ZBTB4: variants seen among roughly 807,000 people sequenced by gnomAD.
ZBTB4 encodes zinc finger and BTB domain-containing protein 4.
Under a neutral mutation model 59.8 loss-of-function variants are expected in ZBTB4, and 14 were observed. The observed-to-expected ratio is 0.23, with a 90% confidence interval of 0.15 to 0.37. ZBTB4 has a LOEUF of 0.37. Ranked by LOEUF, ZBTB4 falls within the 10% of genes least tolerant of loss-of-function variation. ZBTB4 has a pLI of 1.00. For synonymous variants in ZBTB4, 587 were observed against 575.2 expected (o/e 1.02, Z -0.29); for missense variants, 1,198 against 1,380.8 (o/e 0.87, Z 2.10).
chr17:7,481,434 C>A (rs777195941), upstream of ZBTB4: 2 of 1,384,280 alleles, frequency 1.4e-6, no homozygotes, highest in Non-Finnish European at 1.9e-6. Context: ...ACCCCACCCC[C>A]ACTCCAACCA....
chr17:7,465,906 A>C lies in ZBTB4; in HGVS notation c.896T>G (p.Val299Gly). ...PVGFRGGPEH[V>G]VKVVGGHVLY... ...CACGTGGCCGCCCACCACCTTCACC[A>C]CGTGCTCGGGGCCCCCTCGGAAGCC... is the stretch of plus-strand genomic sequence containing the variant. The change falls in exon 3 of 4, where the codon GTG becomes GGG. Residue 299 changes from valine to glycine, a missense_variant. Coordinates refer to ENST00000380599, the MANE Select transcript of ZBTB4 (RefSeq NM_001128833.2). The C allele has an allele frequency of 1.9e-6, 3 of 1,612,270 alleles. No individual in the cohort carries two copies. Among genetic ancestry groups the C allele is most frequent in the Non-Finnish European group, 2.5e-6 (3 of 1,178,830 alleles).
chr17:7,477,753 T>G (rs2070288697), intron 1 of ZBTB4, among the ~76,000 whole-genome samples: 1 of 152,182 alleles, frequency 6.6e-6, no homozygotes, highest in Admixed American at 6.5e-5. Flanking sequence ...AGGAGGAGGC[T>G]GAAAACTTCA....
Position 7,463,219 on chromosome 17 carries a change from G to T in ZBTB4, c.1763C>A (p.Ala588Asp), listed in dbSNP as rs1339281229. ...CTGCAGCTGAGAGGGGCCCCGGCCA[G>T]CCCCTGTGGGGGGACCCCCACCTCC... The part of the protein sequence containing the change: ...IGGGGGPPTG[A>D]GRGPSQLQAP... Residue 588 changes from alanine (A) to aspartate (D), a missense_variant, in exon 4 of 4, where the codon GCT becomes GAT. By Grantham distance (126) the Ala-to-Asp change is moderately radical (BLOSUM62 -2). Around this residue, in one of 9 missense-constraint regions of ZBTB4, gnomAD observed 550 missense variants for 541.8 expected, o/e 1.02. Transcript: ENST00000380599. 1 of 1,610,070 alleles carries T rather than the reference G, an allele frequency of 6.2e-7. No individual in the cohort carries two copies. Among genetic ancestry groups the T allele is most frequent in the South Asian group, 1.1e-5 (1 of 90,562 alleles).
chr17:7,471,366 T>C (rs1597775013), intron 1 of ZBTB4, among the ~76,000 whole-genome samples: 1 of 152,228 alleles, frequency 6.6e-6, no homozygotes, highest in East Asian at 1.9e-4. Context: ...TTATTTACTT[T>C]TGTAGAGATG....
chr17:7,462,924 G>GC lies in ZBTB4; in HGVS notation c.2057dup (p.Ser687GlnfsTer104). 1.9e-6 allele frequency: 3 copies of GC among 1,609,270 alleles called. No homozygotes were observed. ...GCCGGCGGCCTCGGGGCAGCCCACT[G>GC]CCCCCCACACTGGCACCTCCAGCAG... On this transcript the variant is annotated frameshift_variant, in exon 4 of 4. Transcript: ENST00000380599. LOFTEE classifies it high-confidence loss of function. The surrounding 1 kb of genome is among the most constrained non-coding windows in gnomAD (Gnocchi z 7.5).
intron 1 of ZBTB4, among the ~76,000 whole-genome samples, chr17:7,477,934 G>A (rs1368705688): frequency 1.3e-5 from 2 of 152,122 alleles, no homozygotes; most frequent in Non-Finnish European, 2.9e-5. Flanking sequence ...ACCCTGCAAA[G>A]ATTAGCTGGG....
intron 3 of ZBTB4, among the ~76,000 whole-genome samples, chr17:7,464,097 C>T (rs1015300914): frequency 6.6e-6 from 1 of 152,218 alleles, no homozygotes; most frequent in Non-Finnish European, 1.5e-5. Flanking sequence ...TCAGCTATTC[C>T]ATCTGGGACG....
upstream of ZBTB4, among the ~76,000 whole-genome samples, chr17:7,483,805 C>G (rs73977680): frequency 0.011 from 1,658 of 152,310 alleles, 29 homozygotes; most frequent in African/African-American, 0.037. Flanking sequence ...GATCTAGGAT[C>G]ATGGCTCGGT....
Position 7,466,178 on chromosome 17 carries a change from C to T in ZBTB4, c.624G>A (p.Arg208=), listed in dbSNP as rs753691864. The T allele has an allele frequency of 6.2e-7, 1 of 1,613,154 alleles. No homozygotes were observed. Among genetic ancestry groups the T allele is most frequent in the East Asian group, 2.2e-5 (1 of 44,876 alleles). The change falls in exon 3 of 4, where the codon AGG becomes AGA. Residue 208 remains arginine, a synonymous_variant. Coordinates refer to ENST00000380599, the MANE Select transcript of ZBTB4 (RefSeq NM_001128833.2). The surrounding 1 kb of genome is among the most constrained non-coding windows in gnomAD (Gnocchi z 9.1). The stretch of plus-strand genomic sequence containing the variant: ...TGTCACCCTCCCACTCCCCAGCTGG[C>T]CTGGGCCCGGGCCCAAAGCTGTCCT... The part of the protein sequence containing the change: ...PEEDSFGPGP[R]PAGEWEGDRA...
intron 1 of ZBTB4, among the ~76,000 whole-genome samples, chr17:7,479,228 T>A (rs1434801034): frequency 6.6e-6 from 1 of 151,062 alleles, no homozygotes; most frequent in East Asian, 2.0e-4. Context: ...CGGCCGCCCC[T>A]CGCTCGGACG....
Position 7,466,050 on chromosome 17 carries a change from G to A in ZBTB4, c.752C>T (p.Thr251Ile). 1.2e-6 allele frequency: 2 copies of A among 1,608,104 alleles called. No individual in the cohort carries two copies. The highest frequency in any genetic ancestry group is 1.7e-6 in the Non-Finnish European group (2 of 1,176,532). The change falls in exon 3 of 4, where the codon ACC becomes ATC. Residue 251 changes from threonine (T) to isoleucine (I), a missense_variant. By Grantham distance (89) the Thr-to-Ile change is moderately conservative. Transcript: ENST00000380599. The surrounding 1 kb of genome is among the most constrained non-coding windows in gnomAD (Gnocchi z 9.1). ...CCCTCGTCGGCACTGGGCCTCATGG[G>A]TCTGCAGCCGTTTGGGATGGATGAA... Reference protein sequence around the residue: ...KSFIHPKRLQTHEAQCRRGAS... With the variant: ...KSFIHPKRLQIHEAQCRRGAS...
chr17:7,479,573 C>A lies in ZBTB4; in HGVS notation c.-198G>T, dbSNP rs1009038466. 2.9e-5 allele frequency: 5 copies of A among 169,584 alleles called. No individual in the cohort carries two copies. The highest frequency in any genetic ancestry group is 4.8e-5 in the Non-Finnish European group (4 of 82,780). The allele number at this position is 169,584 out of a possible 1,614,324, so 10.5% of individuals were successfully genotyped here. A position where few individuals can be genotyped will look rare whatever the true frequency, so the allele number is the denominator to read the frequency against. ...GGCTCCAGCTCCGGCCCTGGCCCCC[C>A]CAGCGCCTGGCCCCGGCCCGGCCCC... is the stretch of plus-strand genomic sequence containing the variant. On this transcript the variant is annotated 5_prime_UTR_variant, in exon 1 of 4. Transcript: ENST00000380599.
upstream of ZBTB4, among the ~76,000 whole-genome samples, chr17:7,481,728 G>A (rs1334279938): frequency 1.3e-5 from 2 of 152,086 alleles, no homozygotes; most frequent in African/African-American, 2.4e-5. Context: ...GAGCATCCTG[G>A]GTCCTTTTTC....
Position 7,463,515 on chromosome 17 carries a change from A to G in ZBTB4, c.1467T>C (p.Ser489=), listed in dbSNP as rs760214473. 1.3e-6 allele frequency: 2 copies of G among 1,566,472 alleles called. No homozygotes were observed. The highest frequency in any genetic ancestry group is 2.3e-5 in the East Asian group (1 of 44,114). ...PSVIVHGGSS[S]GGGGSGTAST... ...TGGCCGTCCCACTCCCCCCTCCACC[A>G]CTGCTACTGCCCCCATGGACAATGA... Residue 489 remains serine (S), a synonymous_variant, in exon 4 of 4, where the codon AGT becomes AGC. Transcript: ENST00000380599.
In ZBTB4 at chr17:7,463,311, G is replaced by A; in HGVS notation, c.1671C>T (p.Ala557=). The A allele has an allele frequency of 6.2e-7, 1 of 1,609,140 alleles. No individual in the cohort carries two copies. ...GPAMATTTEE[A]KGRNPRAGRT... ...TTCCAGCCCGTGGATTCCGGCCCTT[G>A]GCCTCCTCCGTGGTGGTGGCCATGG... The change falls in exon 4 of 4, where the codon GCC becomes GCT. Residue 557 remains alanine, a synonymous_variant. Coordinates refer to ENST00000380599, the MANE Select transcript of ZBTB4 (RefSeq NM_001128833.2).
rs182026620 is a variant in ZBTB4 at position 7,468,706 on chromosome 17, C to T, written c.-80-1379G>A. Reference sequence around the variant, plus strand: ...CCGTATGCCGTGGGCCACGTGTCTTCAGAGGTGTCCGGCATCAGGAGTTCC... The same window carrying T: ...CCGTATGCCGTGGGCCACGTGTCTTTAGAGGTGTCCGGCATCAGGAGTTCC... On this transcript the variant is annotated intron_variant, in intron 1 of 3. Coordinates refer to ENST00000380599, the MANE Select transcript of ZBTB4 (RefSeq NM_001128833.2). Among the ~76,000 whole-genome samples, 464 of 152,298 alleles carry T rather than the reference C, an allele frequency of 3.0e-3. 2 individuals are homozygous for T. The highest frequency in any genetic ancestry group is 4.6e-3 in the Non-Finnish European group (314 of 68,018).
In ZBTB4 at chr17:7,466,835, G is replaced by A; in HGVS notation, c.-9-25C>T. 6.6e-7 allele frequency: 1 copy of A among 1,503,942 alleles called. No homozygotes were observed. Among genetic ancestry groups the A allele is most frequent in the Non-Finnish European group, 8.9e-7 (1 of 1,127,448 alleles). The allele number at this position is 1,503,942 out of a possible 1,614,324, so 93.2% of individuals were successfully genotyped here. On this transcript the variant is annotated intron_variant, in intron 2 of 3. Coordinates refer to ENST00000380599, the MANE Select transcript of ZBTB4 (RefSeq NM_001128833.2). The surrounding 1 kb of genome is among the most constrained non-coding windows in gnomAD (Gnocchi z 9.1). ...CCTAGACAGTGGGAGAAGAGGCCGG[G>A]TAGAGTCTCAGAGGCTGGGCAGAGG...
Position 7,463,583 on chromosome 17 carries a change from G to A in ZBTB4, c.1399C>T (p.Pro467Ser). The A allele has an allele frequency of 6.3e-7, 1 of 1,596,938 alleles. No individual in the cohort carries two copies. Among genetic ancestry groups the A allele is most frequent in the East Asian group, 2.2e-5 (1 of 44,774 alleles). The change falls in exon 4 of 4, where the codon CCT (proline) becomes TCT (serine). Residue 467 changes from proline (P) to serine (S), a missense_variant. This residue lies in a region of ZBTB4 where 550 missense variants were observed against 541.8 expected (regional missense o/e 1.02). Transcript: ENST00000380599. The part of the protein sequence containing the change: ...PGPPPAPEPG[P>S]PPSVITFAHP... ...GCAAAAGTGATGACAGAGGGTGGAG[G>A]GCCAGGCTCTGGGGCAGGTGGAGGC... is the stretch of plus-strand genomic sequence containing the variant.
chr17:7,467,825 C>T (rs754938049), intron 1 of ZBTB4, among the ~76,000 whole-genome samples: 1 of 152,226 alleles, frequency 6.6e-6, no homozygotes, highest in Non-Finnish European at 1.5e-5. Flanking sequence ...TAGGAGAGGA[C>T]ATCCTCACAT....
Sources: gnomAD v4.1 joint callset for allele counts (sites outside exome capture counted in the v4.1 genomes callset) on GRCh38, gnomAD v4.1.1 for gene constraint, gnomAD v4.1.1 regional missense constraint, Gnocchi (gnomAD v3.1) non-coding constraint, MANE v1.5 for transcripts, NCBI Gene and HGNC (gene_info 2026-07-23, HGNC 2026-07-21) for gene names.